The following DNAJC12 variants were observed in gnomAD, a reference collection of about 807,000 sequenced individuals.
DNAJC12 encodes the protein DnaJ heat shock protein family (Hsp40) member C12.
DNAJC12 carries 25 observed loss-of-function variants against 28.5 expected under a neutral mutation model. The observed-to-expected ratio is 0.88, with a 90% CI of 0.64 to 1.22. DNAJC12 has a LOEUF of 1.22. Among genes scored for constraint, DNAJC12 ranks in the 50% most tolerant of loss-of-function variants. The pLI is 0.00. For missense variants in DNAJC12, 222 were observed against 231.7 expected (o/e 0.96, Z 0.27); for synonymous variants, 77 against 80.6 (o/e 0.95, Z 0.24).
At position 67,801,836 on chromosome 10, in the gene DNAJC12, C is replaced by CTT. The variant is rs577511924; in HGVS notation, c.502+3745_502+3746dup. On this transcript the variant is annotated intron_variant, in intron 4 of 4. Transcript: ENST00000225171. ...TGATTCCCATCCCCTCCACTTCATT[C>CTT]TTTTTTTTTTTTTTTTTTTTTTTTT... is the stretch of plus-strand genomic sequence containing the variant. Among the ~76,000 whole-genome samples the CTT allele has an allele frequency of 7.3e-3, 190 of 26,156 alleles. 36 individuals carry two copies. The highest frequency in any genetic ancestry group is 8.8e-3 in the Non-Finnish European group (126 of 14,368). The allele number at this position is 26,156 out of a possible 152,430, so 17.2% of individuals were successfully genotyped here.
intron 1 of DNAJC12, chr10:67,834,003 G>A (rs1339001050): frequency 2.2e-6 from 1 of 455,664 alleles, no homozygotes; most frequent in East Asian, 6.9e-5. Context: ...AATAAGAGAT[G>A]CTCATTGATA....
chr10:67,797,834 A>G (rs1443520262), intron 4 of DNAJC12, among the ~76,000 whole-genome samples: 1 of 151,982 alleles, frequency 6.6e-6, no homozygotes, highest in Non-Finnish European at 1.5e-5. Context: ...AGGTCAGGAG[A>G]TCAAGACCAT....
intron 2 of DNAJC12, among the ~76,000 whole-genome samples, chr10:67,819,735 GAA>G (rs1256351578): frequency 3.4e-4 from 7 of 20,344 alleles, no homozygotes; most frequent in African/African-American, 1.5e-3. Context: ...AGGAAGGAAG[GAA>G]GGAAGGAAGG....
At position 67,814,119 on chromosome 10, in the gene DNAJC12, C is replaced by G. The variant is rs551360182; in HGVS notation, c.158-2456G>C. On this transcript the variant is annotated intron_variant, in intron 2 of 4. Coordinates refer to ENST00000225171, the MANE Select transcript of DNAJC12 (RefSeq NM_021800.3). Reference sequence around the variant, plus strand: ...GAATTTCAAAACTTATACTACAAAGCTACAGTAGTGAAAACAGTGTGGTAC... The same window carrying G: ...GAATTTCAAAACTTATACTACAAAGGTACAGTAGTGAAAACAGTGTGGTAC... Among the ~76,000 whole-genome samples, 475 of 150,402 alleles carry G rather than the reference C, an allele frequency of 3.2e-3. 2 individuals are homozygous for G. Among genetic ancestry groups the G allele is most frequent in the Non-Finnish European group, 5.9e-3 (398 of 67,674 alleles).
At chr10:67,803,368 A>G (rs562161146) in intron 4 of DNAJC12, among the ~76,000 whole-genome samples, 1 of 152,300 alleles carries the variant, frequency 6.6e-6, no homozygotes, top group South Asian at 2.1e-4. Flanking sequence ...AAGTGCACAT[A>G]TACACACCTG....
At chr10:67,812,120 T>G (rs1265794777) in intron 2 of DNAJC12, among the ~76,000 whole-genome samples, 1 of 151,706 alleles carries the variant, frequency 6.6e-6, no homozygotes, top group African/African-American at 2.4e-5. Context: ...TATAAAGACA[T>G]GACTGAGGCA....
intron 1 of DNAJC12, among the ~76,000 whole-genome samples, chr10:67,828,656 TTC>T (rs142433904): frequency 6.2e-5 from 9 of 145,830 alleles, no homozygotes; most frequent in South Asian, 2.2e-4. Flanking sequence ...ATATTCTATT[TTC>T]TCTCTCTCTC....
chr10:67,808,548 A>C (rs900962827), intron 3 of DNAJC12: 1 of 152,318 alleles, frequency 6.6e-6, no homozygotes, highest in African/African-American at 2.4e-5. Flanking sequence ...TGATACAAAG[A>C]AAATGATCAT....
intron 2 of DNAJC12, chr10:67,816,101 T>C: frequency 2.5e-6 from 1 of 398,504 alleles, no homozygotes. Flanking sequence ...CTGGAAGTCT[T>C]GCGAGACATT....
At chr10:67,822,973 C>T (rs1361939617) in intron 2 of DNAJC12, among the ~76,000 whole-genome samples, 13 of 150,510 alleles carry the variant, frequency 8.6e-5, no homozygotes, top group South Asian at 8.4e-4. Context: ...CCAGCCTGGG[C>T]GACAGAGACT....
Position 67,810,638 on chromosome 10 carries a change from C to T in DNAJC12, c.297+886G>A, listed in dbSNP as rs143750771. ...TGAGATTTAACAATCTAGCCAGGTG[C>T]GATGGCTCATGCCTGCAATCCCAGC... is the stretch of plus-strand genomic sequence containing the variant. On this transcript the variant is annotated intron_variant, in intron 3 of 4. Transcript: ENST00000225171. Among the ~76,000 whole-genome samples the T allele has an allele frequency of 3.0e-3, 457 of 152,234 alleles. 3 individuals are homozygous for T. Among genetic ancestry groups the T allele is most frequent in the African/African-American group, 0.011 (442 of 41,540 alleles).
intron 4 of DNAJC12, among the ~76,000 whole-genome samples, chr10:67,801,836 C>CTTTTTTTTTTTTTTTTTTT (rs577511924): frequency 3.8e-5 from 1 of 26,120 alleles, no homozygotes; most frequent in Non-Finnish European, 7.0e-5. Flanking sequence ...CCACTTCATT[C>CTTTTTTTTTTTTTTTTTTT]TTTTTTTTTT....
intron 4 of DNAJC12, among the ~76,000 whole-genome samples, chr10:67,805,261 A>C (rs370314306): frequency 6.6e-6 from 1 of 152,236 alleles, no homozygotes; most frequent in East Asian, 1.9e-4. Context: ...GAATAAGTTA[A>C]TATATATAAA....
intron 1 of DNAJC12, among the ~76,000 whole-genome samples, chr10:67,832,345 C>T (rs1406615138): frequency 1.3e-5 from 2 of 151,650 alleles, no homozygotes; most frequent in African/African-American, 4.8e-5. Flanking sequence ...TTTTAATTCA[C>T]TCAGTTTAAA....
intron 2 of DNAJC12, among the ~76,000 whole-genome samples, chr10:67,819,629 A>G (rs1307873038): frequency 6.7e-6 from 1 of 149,108 alleles, no homozygotes; most frequent in Non-Finnish European, 1.5e-5. Context: ...ACAAAGTGAG[A>G]CTGTCACAAA....
chr10:67,799,713 T>C (rs990456535), intron 4 of DNAJC12, among the ~76,000 whole-genome samples: 2 of 151,688 alleles, frequency 1.3e-5, no homozygotes, highest in Non-Finnish European at 2.9e-5. Flanking sequence ...TGAAACCCCG[T>C]CTCTACTAAA....
intron 2 of DNAJC12, among the ~76,000 whole-genome samples, chr10:67,814,064 TA>T (rs1178547759): frequency 8.1e-6 from 1 of 122,770 alleles, no homozygotes; most frequent in Non-Finnish European, 1.8e-5. Context: ...TTGAAAAAAA[TA>T]AGAGCAAAGT....
At chr10:67,833,933 A>T (rs772041754) in intron 1 of DNAJC12, 34 of 472,286 alleles carry the variant, frequency 7.2e-5, no homozygotes, top group Admixed American at 2.4e-4. Context: ...TTGAACCCAA[A>T]ATGACAAAAC....
intron 2 of DNAJC12, among the ~76,000 whole-genome samples, chr10:67,820,969 GAC>G (rs1411389104): frequency 1.3e-5 from 2 of 151,530 alleles, no homozygotes; most frequent in African/African-American, 4.8e-5. Flanking sequence ...TTTTAGTAGA[GAC>G]ACAGTTTCTC....
Sources: allele counts gnomAD v4.1 joint callset (sites outside exome capture counted in the v4.1 genomes callset), GRCh38; gene constraint gnomAD v4.1.1; transcripts MANE v1.5; gene names NCBI Gene and HGNC (gene_info 2026-07-23, HGNC 2026-07-21).